Variants in ESR1 observed in about 807,000 individuals in gnomAD.
ESR1 encodes the protein estrogen receptor.
Under a neutral mutation model 52.7 loss-of-function variants are expected in ESR1, and 12 were observed. The observed-to-expected ratio is 0.23, with a 90% CI of 0.15 to 0.37. The LOEUF is 0.37. Ranked by LOEUF, ESR1 falls within the 10% of genes least tolerant of loss-of-function variation. The pLI, the probability that ESR1 is intolerant of heterozygous loss-of-function variation, is 1.00. For missense variants in ESR1, 584 were observed against 779.7 expected (o/e 0.75, Z 2.99); for synonymous variants, 305 against 316.8 (o/e 0.96, Z 0.39).
chr6:151,779,879 G>A (rs1387597200), intron 2 of ESR1, among the ~76,000 whole-genome samples: 7 of 118,654 alleles, frequency 5.9e-5, no homozygotes, highest in South Asian at 5.1e-4. Flanking sequence ...CACCCTGGGC[G>A]ACAGAGCGAG....
chr6:151,793,208 T>G (rs1776366594), intron 2 of ESR1, among the ~76,000 whole-genome samples: 1 of 150,662 alleles, frequency 6.6e-6, no homozygotes, highest in South Asian at 2.1e-4. Flanking sequence ...TTTTAAAAAA[T>G]CAAAGTCACA....
At chr6:151,971,212 G>A (rs2038876773) in intron 4 of ESR1, among the ~76,000 whole-genome samples, 1 of 152,086 alleles carries the variant, frequency 6.6e-6, no homozygotes, top group Admixed American at 6.5e-5. Flanking sequence ...TATTCCCACA[G>A]GTTTTTGAGG....
intron 4 of ESR1, among the ~76,000 whole-genome samples, chr6:152,006,052 A>G (rs1020373107): frequency 6.6e-6 from 1 of 152,034 alleles, no homozygotes; most frequent in Non-Finnish European, 1.5e-5. Context: ...TTATTATGGC[A>G]GGGCAAAACC....
At chr6:151,692,871 C>T (rs1005310546) in intron 1 of ESR1, among the ~76,000 whole-genome samples, 1 of 152,202 alleles carries the variant, frequency 6.6e-6, no homozygotes. Flanking sequence ...AAGGGGCTTA[C>T]CCTATCCATC....
intron 4 of ESR1, among the ~76,000 whole-genome samples, chr6:151,948,397 G>T (rs1388226480): frequency 6.6e-6 from 1 of 151,914 alleles, no homozygotes; most frequent in Non-Finnish European, 1.5e-5. Flanking sequence ...GTTTTTTATT[G>T]CCTGTTAAAT....
chr6:151,810,325 C>T (rs35849547), intron 1 of ESR1, among the ~76,000 whole-genome samples: 3,524 of 151,916 alleles, frequency 0.023, 48 homozygotes, highest in African/African-American at 0.044. Flanking sequence ...TGTGGAAATT[C>T]AGTTTTAGAA....
intron 2 of ESR1, among the ~76,000 whole-genome samples, chr6:151,772,637 T>C (rs1446644744): frequency 6.6e-6 from 1 of 152,166 alleles, no homozygotes; most frequent in Non-Finnish European, 1.5e-5. Flanking sequence ...CCAAGAAGGA[T>C]GGGAGCAGCT....
chr6:151,764,093 G>A (rs993135513), intron 2 of ESR1, among the ~76,000 whole-genome samples: 3 of 152,130 alleles, frequency 2.0e-5, no homozygotes, highest in Admixed American at 2.0e-4. Flanking sequence ...CTGTCAACAG[G>A]CGAGATTGGC....
chr6:151,661,022 G>A (rs554432533), intron 1 of ESR1, among the ~76,000 whole-genome samples: 3 of 152,180 alleles, frequency 2.0e-5, no homozygotes, highest in African/African-American at 7.2e-5. Flanking sequence ...AAAATTGACG[G>A]ATACTGATAC....
intron 2 of ESR1, among the ~76,000 whole-genome samples, chr6:151,847,817 C>T (rs1165024312): frequency 6.1e-5 from 9 of 148,156 alleles, no homozygotes; most frequent in South Asian, 4.4e-4. Context: ...TCCTTGCCCA[C>T]GCCTATGTCC....
At chr6:151,954,934 C>T (rs965561226) in intron 4 of ESR1, among the ~76,000 whole-genome samples, 2 of 152,120 alleles carry the variant, frequency 1.3e-5, no homozygotes, top group Non-Finnish European at 2.9e-5. Flanking sequence ...AGACCAATGC[C>T]GCCTTTACAT....
intron 3 of ESR1, among the ~76,000 whole-genome samples, chr6:151,896,551 T>C (rs1030298096): frequency 1.3e-5 from 2 of 152,186 alleles, no homozygotes; most frequent in Non-Finnish European, 2.9e-5. Context: ...TGTTTCTAAT[T>C]GAGCTTATTT....
chr6:152,051,931 G>A (rs149796137), intron 5 of ESR1, among the ~76,000 whole-genome samples: 1 of 152,206 alleles, frequency 6.6e-6, no homozygotes, highest in African/African-American at 2.4e-5. Context: ...CAACTAGCAG[G>A]GGCCGTGGTC....
At chr6:151,981,957 G>T (rs1257016228) in intron 4 of ESR1, among the ~76,000 whole-genome samples, 5 of 152,176 alleles carry the variant, frequency 3.3e-5, no homozygotes, top group African/African-American at 1.2e-4. Flanking sequence ...GACAAATAAG[G>T]TTCATTTTCA....
chr6:151,712,395 G>C (rs1372583295), intron 2 of ESR1, among the ~76,000 whole-genome samples: 1 of 152,162 alleles, frequency 6.6e-6, no homozygotes, highest in Admixed American at 6.5e-5. Context: ...ATGGTAGCCT[G>C]ATGGGGATAG....
At chr6:152,060,842 A>G (rs1435712162) in intron 5 of ESR1, 149 bp from the exon 6 acceptor site, 1 of 650,656 alleles carries the variant, frequency 1.5e-6, no homozygotes, top group Non-Finnish European at 2.6e-6. Context: ...ATGAATGTTC[A>G]TATTCCATGA....
chr6:152,034,930 G>T (rs2045149638), intron 5 of ESR1, among the ~76,000 whole-genome samples: 1 of 152,164 alleles, frequency 6.6e-6, no homozygotes, highest in South Asian at 2.1e-4. Context: ...TTGATTTTTG[G>T]AGTGATAGAT....
chr6:152,122,501 A>C, intron 6 of ESR1: 2 of 1,614,152 alleles, frequency 1.2e-6, no homozygotes, highest in Non-Finnish European at 8.5e-7. Flanking sequence ...AAGTTGTTGG[A>C]GAGGGCACAG....
In ESR1 at chr6:152,098,938, A is replaced by G. The variant is rs749325025; in HGVS notation, c.1760A>G (p.Glu587Gly). The G allele has an allele frequency of 2.5e-6, 4 of 1,613,948 alleles. No homozygotes were observed. The highest frequency in any genetic ancestry group is 2.5e-6 in the Non-Finnish European group (3 of 1,179,986). The change falls in exon 8 of 8, where the codon GAG becomes GGG. Residue 587 changes from glutamate (E) to glycine (G), a missense_variant. Glu to Gly is a moderately conservative substitution (Grantham distance 98). Transcript: ENST00000206249. The surrounding 1 kb of genome is among the most constrained non-coding windows in gnomAD (Gnocchi z 5.1). ...HSLQKYYITG[E>G]AEGFPATV ...TTGCAAAAGTATTACATCACGGGGG[A>G]GGCAGAGGGTTTCCCTGCCACGGTC... is the stretch of plus-strand genomic sequence containing the variant.
Sources: allele counts gnomAD v4.1 joint callset (sites outside exome capture counted in the v4.1 genomes callset), GRCh38; gene constraint gnomAD v4.1.1; non-coding constraint Gnocchi (gnomAD v3.1); transcripts MANE v1.5; gene names NCBI Gene and HGNC (gene_info 2026-07-23, HGNC 2026-07-21).